Variants in COL10A1 observed in about 807,000 individuals in gnomAD.
COL10A1 encodes collagen type X alpha 1 chain.
COL10A1 carries 10 observed loss-of-function variants against 18.2 expected under a neutral mutation model. The observed-to-expected ratio is 0.55, with a 90% CI of 0.34 to 0.93. The LOEUF (loss-of-function observed/expected upper bound fraction) is 0.93, where lower values mean the gene tolerates loss of function less well. Among genes scored for constraint, COL10A1 ranks in the 40% least tolerant of loss-of-function variants. The pLI, the probability that COL10A1 is intolerant of heterozygous loss-of-function variation, is 0.02. For synonymous variants in COL10A1, 330 were observed against 316.6 expected, an observed-to-expected ratio of 1.04 and a Z score of -0.45; for missense variants, 897 against 853.5, an observed-to-expected ratio of 1.05 and a Z score of -0.64.
At chr6:116,137,145 T>G (rs1199559245) in intron 1 of COL10A1, 1 of 202,660 alleles carries the variant, frequency 4.9e-6, no homozygotes. Context: ...TTTTCTGCAG[T>G]CTTGCGTAGA....
At chr6:116,205,608 A>T in the COL10A1 span, among the ~76,000 whole-genome samples, 3 of 151,926 alleles carry the variant, frequency 2.0e-5, no homozygotes, top group East Asian at 5.8e-4. Context: ...TTGGGGGGGA[A>T]AAAAGGCTGT....
rs1342459594 is a variant in COL10A1, at chr6:116,120,011, G to T, written c.*62C>A. The stretch of plus-strand genomic sequence containing the variant: ...AGCCTACCTCCATATGCATTTTGTA[G>T]GGTGGGGTAGAGTTAGAGAATGCTT... On this transcript the variant is annotated 3_prime_UTR_variant, in exon 3 of 3. Transcript: ENST00000651968. 1.5e-5 allele frequency: 20 copies of T among 1,364,530 alleles called. No homozygotes were observed. Among genetic ancestry groups the T allele is most frequent in the Admixed American group, 6.7e-5 (4 of 59,588 alleles). 84.5% of individuals were successfully genotyped at this position (1,364,530 alleles called of 1,614,324 possible). A position where few individuals can be genotyped will look rare whatever the true frequency, so the allele number is the denominator to read the frequency against.
At chr6:116,198,211 A>T in the COL10A1 span, among the ~76,000 whole-genome samples, 1 of 152,102 alleles carries the variant, frequency 6.6e-6, no homozygotes. Flanking sequence ...GTTTCTGGGT[A>T]ACAGCCATCT....
upstream of COL10A1, among the ~76,000 whole-genome samples, chr6:116,161,785 G>A (rs1459895949): frequency 6.6e-6 from 1 of 151,742 alleles, no homozygotes; most frequent in Non-Finnish European, 1.5e-5. Context: ...TAATTTGATG[G>A]GAAGTTGCAT....
the COL10A1 span, among the ~76,000 whole-genome samples, chr6:116,215,158 C>T: frequency 6.6e-6 from 1 of 152,056 alleles, no homozygotes; most frequent in African/African-American, 2.4e-5. Flanking sequence ...AATCTAATCA[C>T]CTAATTGGAT....
chr6:116,150,918 T>C (rs1250945880), intron 1 of COL10A1, among the ~76,000 whole-genome samples: 2 of 152,246 alleles, frequency 1.3e-5, no homozygotes, highest in Non-Finnish European at 1.5e-5. Flanking sequence ...TTTTAGGTAC[T>C]ATGATTGACA....
rs73772284 is a variant in COL10A1 at position 116,148,947 on chromosome 6, T to G, written c.-16+9667A>C. Among the ~76,000 whole-genome samples, 346 of 152,340 alleles carry G rather than the reference T, an allele frequency of 2.3e-3. 2 individuals are homozygous for G. The highest frequency in any genetic ancestry group is 8.2e-3 in the African/African-American group (340 of 41,590). ...AGCTTATTCCAAGAAGCCAGTCTTTTGTTTTTAATCTCTAGAAATATACTA... is the reference window on the plus strand; with the variant it reads ...AGCTTATTCCAAGAAGCCAGTCTTTGGTTTTTAATCTCTAGAAATATACTA... On this transcript the variant is annotated intron_variant, in intron 1 of 1. Transcript: ENST00000418500.
the COL10A1 span, among the ~76,000 whole-genome samples, chr6:116,173,518 A>C: frequency 6.6e-6 from 1 of 152,048 alleles, no homozygotes; most frequent in Non-Finnish European, 1.5e-5. Flanking sequence ...CTTCATGTAG[A>C]GGGTTCCCGC....
chr6:116,159,835 G>A (rs886986738), upstream of COL10A1, among the ~76,000 whole-genome samples: 2 of 151,892 alleles, frequency 1.3e-5, no homozygotes, highest in Admixed American at 6.6e-5. Flanking sequence ...ATGTCCATGT[G>A]TACTTCACTT....
At chr6:116,140,635 T>C (rs1243849872) in intron 1 of COL10A1, among the ~76,000 whole-genome samples, 1 of 152,176 alleles carries the variant, frequency 6.6e-6, no homozygotes, top group Non-Finnish European at 1.5e-5. Context: ...ATGCTGAGTC[T>C]TATTCCCTCT....
chr6:116,157,450 T>C (rs991135550), intron 1 of COL10A1, among the ~76,000 whole-genome samples: 1 of 152,214 alleles, frequency 6.6e-6, no homozygotes, highest in African/African-American at 2.4e-5. Context: ...GTTGAAACTA[T>C]GTTGAAAAAG....
At chr6:116,124,637 C>T (rs574326916) in intron 2 of COL10A1, among the ~76,000 whole-genome samples, 2 of 152,164 alleles carry the variant, frequency 1.3e-5, no homozygotes, top group African/African-American at 2.4e-5. Flanking sequence ...ATTTAAACTT[C>T]GCAGCAGCCC....
At chr6:116,133,229 A>G (rs1779512557) in intron 1 of COL10A1, among the ~76,000 whole-genome samples, 2 of 152,174 alleles carry the variant, frequency 1.3e-5, no homozygotes, top group Admixed American at 6.5e-5. Flanking sequence ...TTGACCTAAG[A>G]TCTTCAGGGA....
At chr6:116,151,603 G>A (rs923238936) in intron 1 of COL10A1, among the ~76,000 whole-genome samples, 1 of 152,086 alleles carries the variant, frequency 6.6e-6, no homozygotes, top group Non-Finnish European at 1.5e-5. Context: ...GAGTTATCTC[G>A]AGAATGCAGT....
the COL10A1 span, among the ~76,000 whole-genome samples, chr6:116,212,191 A>T: frequency 6.6e-6 from 1 of 152,094 alleles, no homozygotes; most frequent in Non-Finnish European, 1.5e-5. Flanking sequence ...TTGAAACTTT[A>T]GTATGTTCTT....
rs1255733039 is a variant in COL10A1 at position 116,120,800 on chromosome 6, G to C, written c.1316C>G (p.Ala439Gly). The C allele has an allele frequency of 6.2e-7, 1 of 1,612,546 alleles. No individual in the cohort carries two copies. Among genetic ancestry groups the C allele is most frequent in the Admixed American group, 1.7e-5 (1 of 59,998 alleles). The change falls in exon 3 of 3, where the codon GCT becomes GGT. Residue 439 changes from alanine to glycine, a missense_variant. By Grantham distance (60) the Ala-to-Gly change is moderately conservative. Transcript: ENST00000651968. ...AKGMPGHNGEAGPRGAPGIPG... is the reference protein window; with the variant it reads ...AKGMPGHNGEGGPRGAPGIPG... Reference sequence around the variant, plus strand: ...TATTCCAGGGGCACCTCTTGGGCCAGCCTCTCCATTGTGTCCGGGCATTCC... The same window carrying C: ...TATTCCAGGGGCACCTCTTGGGCCACCCTCTCCATTGTGTCCGGGCATTCC...
At chr6:116,131,107 G>A (rs570447120), upstream of COL10A1, among the ~76,000 whole-genome samples, 11 of 151,998 alleles carry the variant, frequency 7.2e-5, no homozygotes, top group Admixed American at 4.6e-4. Context: ...TCTGGTGTTC[G>A]GATATATGTT....
chr6:116,178,052 AGTGTGTGTGTGT>A, the COL10A1 span, among the ~76,000 whole-genome samples: 269 of 136,420 alleles, frequency 2.0e-3, 2 homozygotes, highest in African/African-American at 6.3e-3. Context: ...CAAAGAGGAA[AGTGTGTGTGTGT>A]GTGTGTGTGT....
At chr6:116,150,197 T>C (rs1459324620) in intron 1 of COL10A1, among the ~76,000 whole-genome samples, 1 of 152,224 alleles carries the variant, frequency 6.6e-6, no homozygotes, top group Non-Finnish European at 1.5e-5. Flanking sequence ...TTTAAAACAT[T>C]ACTATGGCTT....
Sources: allele counts gnomAD v4.1 joint callset (sites outside exome capture counted in the v4.1 genomes callset), GRCh38; gene constraint gnomAD v4.1.1; transcripts MANE v1.5; gene names NCBI Gene and HGNC (gene_info 2026-07-23, HGNC 2026-07-21).